The following ZNF385D variants were observed in gnomAD, a reference collection of about 807,000 sequenced individuals.
ZNF385D encodes the protein zinc finger protein 385D, also known as zinc finger protein 659.
ZNF385D carries 15 observed loss-of-function variants against 35.8 expected under a neutral mutation model. That is an observed-to-expected ratio of 0.42 (90% CI 0.28 to 0.64). The LOEUF (loss-of-function observed/expected upper bound fraction) is 0.64. Among genes scored for constraint, ZNF385D ranks in the 30% least tolerant of loss-of-function variants. The pLI, the probability that ZNF385D is intolerant of heterozygous loss-of-function variation, is 0.23. For synonymous variants in ZNF385D, 212 were observed against 186.8 expected (o/e 1.13, Z -1.10); for missense variants, 474 against 494.6 (o/e 0.96, Z 0.39).
chr3:21,855,937 AAC>A (rs1696689720), intron 3 of ZNF385D, among the ~76,000 whole-genome samples: 3 of 152,046 alleles, frequency 2.0e-5, no homozygotes, highest in South Asian at 2.1e-4. Context: ...GCTGCCACCA[AAC>A]ACAGAACTGG....
intron 3 of ZNF385D, among the ~76,000 whole-genome samples, chr3:21,984,358 G>A (rs1345373605): frequency 1.6e-5 from 2 of 124,996 alleles, no homozygotes; most frequent in African/African-American, 3.6e-5. Flanking sequence ...TGTAAGGAAG[G>A]GATCCAGTTT....
intron 3 of ZNF385D, among the ~76,000 whole-genome samples, chr3:22,137,422 A>G (rs1034109382): frequency 1.3e-5 from 2 of 152,216 alleles, no homozygotes; most frequent in East Asian, 1.9e-4. Context: ...AAAATCCTCA[A>G]TAAAATACTG....
intron 1 of ZNF385D, among the ~76,000 whole-genome samples, chr3:21,682,309 CCAAAG>C (rs2066941611): frequency 7.3e-6 from 1 of 136,442 alleles, no homozygotes; most frequent in Non-Finnish European, 1.6e-5. Flanking sequence ...TGGAAAATAG[CCAAAG>C]CAGAGAGACA....
rs116109666 is a variant in ZNF385D at position 22,034,139 on chromosome 3, G to C, written c.325+134678C>G. Among the ~76,000 whole-genome samples, 531 of 152,230 alleles carry C rather than the reference G, an allele frequency of 3.5e-3. 3 individuals are homozygous for C. Among genetic ancestry groups the C allele is most frequent in the African/African-American group, 0.012 (493 of 41,548 alleles). ...TGTGTTCCCCCCAAATTCATACCTT[G>C]AAACTTTATTCCCCAATGTGATTGC... On this transcript the variant is annotated intron_variant, in intron 3 of 5. Coordinates refer to the ZNF385D transcript ENST00000494108.
At chr3:22,086,470 T>C (rs1387942079) in intron 3 of ZNF385D, among the ~76,000 whole-genome samples, 1 of 151,982 alleles carries the variant, frequency 6.6e-6, no homozygotes, top group African/African-American at 2.4e-5. Flanking sequence ...GAGAATAAAA[T>C]ACCTAGGAAT....
chr3:21,983,768 T>A (rs1694647149), intron 3 of ZNF385D, among the ~76,000 whole-genome samples: 1 of 40,662 alleles, frequency 2.5e-5, no homozygotes. Flanking sequence ...TGAACTAGTT[T>A]ACAGTCCCAC....
At chr3:21,919,120 T>A (rs1444563532) in intron 3 of ZNF385D, among the ~76,000 whole-genome samples, 1 of 152,208 alleles carries the variant, frequency 6.6e-6, no homozygotes, top group African/African-American at 2.4e-5. Flanking sequence ...ATAGTGTTAT[T>A]ATAAATATTG....
intron 3 of ZNF385D, among the ~76,000 whole-genome samples, chr3:21,876,364 G>C (rs1342253771): frequency 2.0e-5 from 3 of 150,886 alleles, no homozygotes; most frequent in Non-Finnish European, 2.9e-5. Context: ...TAATCATTTT[G>C]GGATGATTTA....
intron 2 of ZNF385D, among the ~76,000 whole-genome samples, chr3:21,619,128 T>G (rs1178322230): frequency 8.5e-5 from 13 of 152,054 alleles, no homozygotes; most frequent in Admixed American, 7.2e-4. Flanking sequence ...AAACCCCAAT[T>G]ACCTCACCTT....
rs562610515 is a variant in ZNF385D, at chr3:22,214,995, C to A, written c.107-45960G>T. On this transcript the variant is annotated intron_variant, in intron 2 of 5. Transcript: ENST00000494108. ...GGCTCAGGGGGCATCACGGAACCTG[C>A]CGACATGTGATGTCTCCCCCAGACA... 1.7e-3 allele frequency among the ~76,000 whole-genome samples: 261 copies of A among 152,068 alleles called. 1 individual carries two copies. In the Middle Eastern group the frequency reaches 0.02, roughly 12 times the overall value.
intron 3 of ZNF385D, among the ~76,000 whole-genome samples, chr3:22,027,924 A>G (rs1331643111): frequency 6.6e-6 from 1 of 152,162 alleles, no homozygotes; most frequent in Non-Finnish European, 1.5e-5. Context: ...AAAAGTGGAG[A>G]GCTGCAGCAC....
chr3:21,701,509 T>A (rs1247130057), intron 1 of ZNF385D, among the ~76,000 whole-genome samples: 2 of 152,056 alleles, frequency 1.3e-5, no homozygotes, highest in Non-Finnish European at 2.9e-5. Context: ...CAAAATCATA[T>A]CATTCCAAAC....
At chr3:21,944,907 G>C (rs1701699985) in intron 3 of ZNF385D, among the ~76,000 whole-genome samples, 1 of 151,988 alleles carries the variant, frequency 6.6e-6, no homozygotes, top group South Asian at 2.1e-4. Context: ...TCATTTTATA[G>C]AGCAGTACAG....
chr3:21,455,111 C>T (rs967061566), intron 4 of ZNF385D, among the ~76,000 whole-genome samples: 92 of 152,248 alleles, frequency 6.0e-4, no homozygotes, highest in African/African-American at 2.1e-3. Flanking sequence ...GAAGAACATT[C>T]CACGCTCATG....
intron 3 of ZNF385D, among the ~76,000 whole-genome samples, chr3:21,972,760 C>A (rs1345622885): frequency 1.3e-5 from 2 of 151,746 alleles, no homozygotes; most frequent in Admixed American, 6.6e-5. Context: ...ACTAATACCA[C>A]AGAAATTCAA....
At chr3:21,798,024 T>G (rs1045934188) in intron 3 of ZNF385D, among the ~76,000 whole-genome samples, 1 of 152,228 alleles carries the variant, frequency 6.6e-6, no homozygotes, top group Non-Finnish European at 1.5e-5. Context: ...GTGTAAACTA[T>G]GGACACTGGC....
intron 3 of ZNF385D, among the ~76,000 whole-genome samples, chr3:22,081,381 A>G (rs1700742441): frequency 6.6e-6 from 1 of 152,166 alleles, no homozygotes; most frequent in Non-Finnish European, 1.5e-5. Context: ...CCATGTCCTA[A>G]AAAAGATCCA....
chr3:22,302,546 T>C (rs1702960520), intron 2 of ZNF385D, among the ~76,000 whole-genome samples: 1 of 151,998 alleles, frequency 6.6e-6, no homozygotes, highest in Non-Finnish European at 1.5e-5. Flanking sequence ...TTATAACACT[T>C]ACTCTAGATT....
Position 22,195,356 on chromosome 3 carries a change from G to A in ZNF385D, c.107-26321C>T, listed in dbSNP as rs143228705. Among the ~76,000 whole-genome samples, 231 of 151,868 alleles carry A rather than the reference G, an allele frequency of 1.5e-3. 1 individual carries two copies. Among genetic ancestry groups the A allele is most frequent in the Non-Finnish European group, 4.4e-4 (30 of 67,844 alleles). ...CTGTTGACTGGAGTTTTGAGATTACGTACCCACACATACACACAAACATAT... is the reference window on the plus strand; with the variant it reads ...CTGTTGACTGGAGTTTTGAGATTACATACCCACACATACACACAAACATAT... On this transcript the variant is annotated intron_variant, in intron 2 of 5. Coordinates refer to the ZNF385D transcript ENST00000494108.
Sources: allele counts gnomAD v4.1 joint callset (sites outside exome capture counted in the v4.1 genomes callset), GRCh38; gene constraint gnomAD v4.1.1; transcripts MANE v1.5; gene names NCBI Gene and HGNC (gene_info 2026-07-23, HGNC 2026-07-21).